Variants in ACE observed in about 807,000 individuals in gnomAD.
ACE encodes the protein angiotensin-converting enzyme.
In ACE, 122 loss-of-function variants were observed where a neutral mutation model predicts 162.3. The observed-to-expected ratio is 0.75, with a 90% CI of 0.65 to 0.87. The LOEUF (loss-of-function observed/expected upper bound fraction) is 0.87, where lower values mean the gene tolerates loss of function less well. Among genes scored for constraint, ACE ranks in the 40% least tolerant of loss-of-function variants. The pLI is 0.00. For synonymous variants in ACE, 796 were observed against 720.6 expected, an observed-to-expected ratio of 1.10 and a Z score of -1.68; for missense variants, 1,799 against 1,735.1, an observed-to-expected ratio of 1.04 and a Z score of -0.65.
rs774371530 is a variant in ACE, at chr17:63,477,759, A to G, written c.250-172A>G. On this transcript the variant is annotated intron_variant, in intron 1 of 24. Transcript: ENST00000290866. The stretch of plus-strand genomic sequence containing the variant: ...CATTCCCATGAGGCAGATTCCCTCC[A>G]GAAGGAGGAAGCGCGGCTTCCGCAA... 9.4e-5 allele frequency: 70 copies of G among 741,100 alleles called. 1 individual carries two copies. The highest frequency in any genetic ancestry group is 1.4e-4 in the Non-Finnish European group (66 of 456,160). The allele number at this position is 741,100 out of a possible 1,614,324, so 45.9% of individuals were successfully genotyped here.
chr17:63,480,732 G>A (rs2049693118), intron 5 of ACE, among the ~76,000 whole-genome samples: 1 of 152,232 alleles, frequency 6.6e-6, no homozygotes, highest in Non-Finnish European at 1.5e-5. Context: ...GGTCGTGAGG[G>A]ACTTAGTGGT....
At chr17:63,482,222 A>G (rs959109589) in intron 7 of ACE, among the ~76,000 whole-genome samples, 2 of 151,656 alleles carry the variant, frequency 1.3e-5, no homozygotes, top group African/African-American at 4.9e-5. Flanking sequence ...AATCTCTTGA[A>G]CCCGGGAGGC....
intron 14 of ACE, 77 bp downstream of exon 14, chr17:63,486,792 C>A (rs755605000): frequency 1.9e-6 from 3 of 1,578,944 alleles, no homozygotes; most frequent in Admixed American, 3.4e-5. Flanking sequence ...CTGGCCTTCA[C>A]GCTGCTTCCT....
chr17:63,485,030 C>T, intron 12 of ACE: 2 of 1,610,858 alleles, frequency 1.2e-6, no homozygotes, highest in Non-Finnish European at 8.5e-7. Context: ...AACCACCCAC[C>T]AGGCGACGGC....
chr17:63,492,163 C>T (rs1413645145), intron 19 of ACE, among the ~76,000 whole-genome samples: 1 of 152,158 alleles, frequency 6.6e-6, no homozygotes, highest in Non-Finnish European at 1.5e-5. Flanking sequence ...CAGGCTAGCT[C>T]GGGCGCCCTC....
chr17:63,481,041 C>A, intron 5 of ACE, 50 bp from the exon 6 acceptor site: 1 of 1,565,506 alleles, frequency 6.4e-7, no homozygotes, highest in Non-Finnish European at 8.8e-7. Context: ...CATGAAGAAG[C>A]AGGCACAGCC....
rs777776998 is a variant in ACE, at chr17:63,488,789, A to G, written c.2447A>G (p.Asn816Ser). 6 of 1,614,030 alleles carry G rather than the reference A, an allele frequency of 3.7e-6. No individual in the cohort carries two copies. The highest frequency in any genetic ancestry group is 2.2e-5 in the East Asian group (1 of 44,818). The change falls in exon 16 of 25, where the codon AAT becomes AGT. Residue 816 changes from asparagine to serine, a missense_variant and splice_region_variant. Transcript: ENST00000290866. ...CTCATCAACCAGGCTGCCCGGCTCA[A>G]TGGTGAGTCCCTGCTGCCAACATCA... ...VELINQAARL[N>S]GYVDAGDSWR...
At position 63,491,408 on chromosome 17, in the gene ACE, G is replaced by A. The variant is rs116274110; in HGVS notation, c.2912+27G>A. 298 of 1,613,554 alleles carry A rather than the reference G, an allele frequency of 1.8e-4. 1 individual carries two copies. The African/African-American group carries it at 3.6e-3, about 20-fold the overall frequency. On this transcript the variant is annotated intron_variant, in intron 19 of 24. Coordinates refer to ENST00000290866, the MANE Select transcript of ACE (RefSeq NM_000789.4). This position sits in a 1 kb window ranked among gnomAD's most constrained non-coding sequence, Gnocchi z 4.4. The stretch of plus-strand genomic sequence containing the variant: ...TACATCCAGCTAGGGCTCAGGTCTC[G>A]TTCCTGAGCCCCACGGGCAAGGGAA...
intron 5 of ACE, 110 bp downstream of exon 5, chr17:63,480,638 CAT>C (rs897077233): frequency 2.6e-6 from 3 of 1,151,942 alleles, no homozygotes; most frequent in African/African-American, 3.0e-5. Flanking sequence ...TCACATCTCA[CAT>C]GTGTGGGGCA....
In ACE at chr17:63,496,399, T is replaced by TCA. The variant is rs762468887; in HGVS notation, c.3386_3387insCA (p.Val1130MetfsTer43). On this transcript the variant is annotated frameshift_variant, in exon 23 of 25. Transcript: ENST00000290866. LOFTEE classifies it high-confidence loss of function. ...ACGGCCTCGCTCTGCTCCAGGTACT[T>TCA]TGTCAGCTTCATCATCCAGTTCCAG... The TCA allele has an allele frequency of 7.4e-6, 12 of 1,614,132 alleles. No individual in the cohort carries two copies. The South Asian group carries it at 1.1e-4, about 15-fold the overall frequency.
chr17:63,479,180 TG>T lies in ACE; in HGVS notation c.511+81del. On this transcript the variant is annotated intron_variant, in intron 3 of 24. Transcript: ENST00000290866. The stretch of plus-strand genomic sequence containing the variant: ...TGCTGCACTCCAGACCATGCAGTTG[TG>T]TAGGGTCTGTGGAGACAGCAGGTAA... 3 of 1,192,398 alleles carry T rather than the reference TG, an allele frequency of 2.5e-6. No individual in the cohort carries two copies. The Admixed American group carries it at 5.9e-5, about 23-fold the overall frequency. The allele number at this position is 1,192,398 out of a possible 1,614,324, so 73.9% of individuals were successfully genotyped here.
In ACE at chr17:63,483,572, C is replaced by CCCCCCCCCCCCCCCCCCCAG; in HGVS notation, c.1586+14_1586+15insCCCCCCCCCCCCCCCCCCAG. On this transcript the variant is annotated intron_variant, in intron 10 of 24. Coordinates refer to ENST00000290866, the MANE Select transcript of ACE (RefSeq NM_000789.4). ...ACCATACATCAGGTATTAGCGCCCCCACCCCACCCACCCCCAGTACTGTCA... is the reference window on the plus strand; with the variant it reads ...ACCATACATCAGGTATTAGCGCCCCCCCCCCCCCCCCCCCCCCCAGACCCCACCCACCCCCAGTACTGTCA... 1.1e-6 allele frequency: 1 copy of CCCCCCCCCCCCCCCCCCCAG among 919,982 alleles called. No homozygotes were observed. The highest frequency in any genetic ancestry group is 1.6e-6 in the Non-Finnish European group (1 of 613,774). The allele number at this position is 919,982 out of a possible 1,614,324, so 57.0% of individuals were successfully genotyped here.
At chr17:63,487,416 T>G (rs2030031804) in intron 15 of ACE, among the ~76,000 whole-genome samples, 1 of 152,060 alleles carries the variant, frequency 6.6e-6, no homozygotes, top group Non-Finnish European at 1.5e-5. Flanking sequence ...TCGGGGACAC[T>G]AGCTCCCCCC....
intron 15 of ACE, among the ~76,000 whole-genome samples, chr17:63,487,701 C>A (rs561118438): frequency 1.3e-5 from 2 of 152,130 alleles, no homozygotes; most frequent in Admixed American, 1.3e-4. Context: ...CACAAGGACC[C>A]GCACACAGAT....
intron 5 of ACE, 152 bp downstream of exon 5, chr17:63,480,680 C>T (rs1407292617): frequency 6.6e-6 from 6 of 905,340 alleles, no homozygotes; most frequent in African/African-American, 6.5e-5. Flanking sequence ...TGCAGGAGAC[C>T]ATTCGTGTTC....
At position 63,484,450 on chromosome 17, in the gene ACE, G is replaced by T. The variant is rs1248281826; in HGVS notation, c.1830G>T (p.Leu610=). The T allele has an allele frequency of 3.1e-6, 5 of 1,612,164 alleles. No homozygotes were observed. The highest frequency in any genetic ancestry group is 3.4e-6 in the Non-Finnish European group (4 of 1,179,904). The change falls in exon 12 of 25, where the codon CTG becomes CTT. Residue 610 remains leucine, a synonymous_variant. Coordinates refer to ENST00000290866, the MANE Select transcript of ACE (RefSeq NM_000789.4). This position sits in a 1 kb window ranked among gnomAD's most constrained non-coding sequence, Gnocchi z 4.0. Reference sequence around the variant, plus strand: ...ACTTCCAGCCAGTCACCCAGTGGCTGCAGGAGCAGAACCAGCAGAACGGCG... The same window carrying T: ...ACTTCCAGCCAGTCACCCAGTGGCTTCAGGAGCAGAACCAGCAGAACGGCG... ...LKYFQPVTQW[L]QEQNQQNGEV...
At chr17:63,479,590 G>A (rs915023141) in intron 3 of ACE, among the ~76,000 whole-genome samples, 179 bp from the exon 4 acceptor site, 1 of 152,194 alleles carries the variant, frequency 6.6e-6, no homozygotes, top group Non-Finnish European at 1.5e-5. Flanking sequence ...GCCCTGCCTG[G>A]GTGTTTCTGT....
chr17:63,477,886 C>G (rs1015533769), intron 1 of ACE, 45 bp from the exon 2 acceptor site: 15 of 1,575,960 alleles, frequency 9.5e-6, no homozygotes, highest in Non-Finnish European at 1.3e-5. Flanking sequence ...TGGCCTGCAT[C>G]TAAGCAGGGT....
chr17:63,482,632 T>A lies in ACE; in HGVS notation c.1285T>A (p.Ser429Thr). 6.2e-7 allele frequency: 1 copy of A among 1,614,018 alleles called. No individual in the cohort carries two copies. The highest frequency in any genetic ancestry group is 8.5e-7 in the Non-Finnish European group (1 of 1,179,974). Reference protein sequence around the residue: ...AIGDVLALSVSTPEHLHKIGL... With the variant: ...AIGDVLALSVTTPEHLHKIGL... The stretch of plus-strand genomic sequence containing the variant: ...TGGGGACGTGCTGGCGCTCTCGGTC[T>A]CCACTCCTGAACATCTGCACAAAAT... The change falls in exon 8 of 25, where the codon TCC becomes ACC. Residue 429 changes from serine to threonine, a missense_variant. By Grantham distance (58) the Ser-to-Thr change is moderately conservative. Coordinates refer to ENST00000290866, the MANE Select transcript of ACE (RefSeq NM_000789.4).
Sources: gnomAD v4.1 joint callset for allele counts (sites outside exome capture counted in the v4.1 genomes callset) on GRCh38, gnomAD v4.1.1 for gene constraint, Gnocchi (gnomAD v3.1) non-coding constraint, MANE v1.5 for transcripts, NCBI Gene and HGNC (gene_info 2026-07-23, HGNC 2026-07-21) for gene names.